Variants in FHIT observed in about 807,000 individuals in gnomAD.
FHIT encodes bis(5'-adenosyl)-triphosphatase.
A neutral mutation model predicts 17.9 loss-of-function variants in FHIT; 19 were observed. The ratio of observed to expected loss-of-function variants is 1.06; its 90% CI spans 0.74 to 1.56. The LOEUF is 1.56. Among genes scored for constraint, FHIT ranks in the 40% most tolerant of loss-of-function variants. The pLI is 0.00. For synonymous variants in FHIT, 81 were observed against 69.7 expected, an observed-to-expected ratio of 1.16 and a Z score of -0.81; for missense variants, 248 against 189.2, an observed-to-expected ratio of 1.31 and a Z score of -1.82.
intron 2 of FHIT, among the ~76,000 whole-genome samples, chr3:61,090,125 C>T (rs964019483): frequency 7.9e-5 from 12 of 152,118 alleles, no homozygotes; most frequent in African/African-American, 2.9e-4. Flanking sequence ...CTTTTAGTAT[C>T]AAAATAGCCC....
chr3:61,104,021 A>AT, intron 2 of FHIT, among the ~76,000 whole-genome samples: 1 of 151,020 alleles, frequency 6.6e-6, no homozygotes, highest in Non-Finnish European at 1.5e-5. Context: ...TCTTTATCCA[A>AT]TTTTCCCGTC....
chr3:60,768,182 G>A (rs35631111), intron 4 of FHIT, among the ~76,000 whole-genome samples: 2 of 152,154 alleles, frequency 1.3e-5, no homozygotes, highest in African/African-American at 4.8e-5. Flanking sequence ...ATTACCTCTT[G>A]TGGTCAACAC....
At chr3:60,222,806 C>T (rs1305855812) in intron 5 of FHIT, among the ~76,000 whole-genome samples, 1 of 152,102 alleles carries the variant, frequency 6.6e-6, no homozygotes, top group Non-Finnish European at 1.5e-5. Context: ...GAGGCTGAGG[C>T]AGGAGAACTG....
At chr3:60,257,107 T>G (rs1458701378) in intron 5 of FHIT, among the ~76,000 whole-genome samples, 1 of 152,224 alleles carries the variant, frequency 6.6e-6, no homozygotes, top group Non-Finnish European at 1.5e-5. Context: ...TCCTGTTTTA[T>G]AAACATGCCT....
intron 8 of FHIT, among the ~76,000 whole-genome samples, chr3:59,869,327 C>T (rs895624459): frequency 1.3e-5 from 2 of 152,014 alleles, no homozygotes; most frequent in African/African-American, 2.4e-5. Flanking sequence ...TCTATCCTGC[C>T]CAAATTCTGT....
chr3:60,692,075 A>G (rs2041004612), intron 4 of FHIT, among the ~76,000 whole-genome samples: 1 of 152,188 alleles, frequency 6.6e-6, no homozygotes, highest in Non-Finnish European at 1.5e-5. Context: ...TACAAAACTT[A>G]TATCCTAATT....
chr3:60,914,735 C>A (rs1706917849), intron 3 of FHIT, among the ~76,000 whole-genome samples: 1 of 152,136 alleles, frequency 6.6e-6, no homozygotes, highest in Non-Finnish European at 1.5e-5. Context: ...TCCCCACCAG[C>A]AATATAACCT....
intron 3 of FHIT, among the ~76,000 whole-genome samples, chr3:60,984,405 C>A (rs573446399): frequency 1.6e-4 from 25 of 152,328 alleles, no homozygotes; most frequent in African/African-American, 5.8e-4. Flanking sequence ...CCCCACCTAC[C>A]AATACACCCA....
At chr3:59,803,008 G>C (rs373992674) in intron 8 of FHIT, among the ~76,000 whole-genome samples, 2 of 152,152 alleles carry the variant, frequency 1.3e-5, no homozygotes, top group South Asian at 4.1e-4. Context: ...ACACGTGTCA[G>C]GTGCCATGCC....
In FHIT at chr3:60,444,769, C is replaced by T. The variant is rs192692523; in HGVS notation, c.103+92091G>A. On this transcript the variant is annotated intron_variant, in intron 5 of 9. Transcript: ENST00000492590. ...GAATGACGAGTTAATGGGTGCAGCA[C>T]ACCAACATGGCACATGTATACATAT... 2.0e-5 allele frequency among the ~76,000 whole-genome samples: 3 copies of T among 151,762 alleles called. No individual in the cohort carries two copies. The East Asian group carries it at 5.8e-4, about 29-fold the overall frequency.
chr3:60,865,102 CA>C (rs1704098418), intron 3 of FHIT, among the ~76,000 whole-genome samples: 1 of 152,042 alleles, frequency 6.6e-6, no homozygotes, highest in Admixed American at 6.6e-5. Context: ...ACCAACTGCT[CA>C]AATCAGAATC....
intron 4 of FHIT, among the ~76,000 whole-genome samples, chr3:60,639,562 A>T (rs2039674875): frequency 6.6e-6 from 1 of 152,168 alleles, no homozygotes; most frequent in South Asian, 2.1e-4. Flanking sequence ...ACAAACTAGA[A>T]ATAGACCACA....
intron 4 of FHIT, among the ~76,000 whole-genome samples, chr3:60,728,851 T>A (rs956916352): frequency 6.6e-6 from 1 of 152,122 alleles, no homozygotes; most frequent in Admixed American, 6.5e-5. Flanking sequence ...TTAAATTACT[T>A]ATATAAAACT....
At chr3:59,987,274 T>C (rs1243105848) in intron 7 of FHIT, among the ~76,000 whole-genome samples, 1 of 151,688 alleles carries the variant, frequency 6.6e-6, no homozygotes, top group East Asian at 1.9e-4. Context: ...TAGCTATTTC[T>C]TGTGATGAGC....
At chr3:59,918,121 G>A (rs907959192) in intron 8 of FHIT, among the ~76,000 whole-genome samples, 3 of 152,230 alleles carry the variant, frequency 2.0e-5, no homozygotes, top group Non-Finnish European at 4.4e-5. Context: ...GTGGCTATGA[G>A]TTAGTGAATT....
At chr3:60,194,812 T>G (rs937905874) in intron 5 of FHIT, among the ~76,000 whole-genome samples, 4 of 152,022 alleles carry the variant, frequency 2.6e-5, no homozygotes, top group African/African-American at 9.7e-5. Context: ...GATATACAAG[T>G]GGCCACCAAA....
At chr3:60,257,967 G>C (rs1412522310) in intron 5 of FHIT, among the ~76,000 whole-genome samples, 1 of 151,904 alleles carries the variant, frequency 6.6e-6, no homozygotes, top group Non-Finnish European at 1.5e-5. Flanking sequence ...TGGGTGATGG[G>C]TTGATCTGTG....
At chr3:61,249,437 T>C (rs148450845) in intron 1 of FHIT, among the ~76,000 whole-genome samples, 18 of 152,330 alleles carry the variant, frequency 1.2e-4, no homozygotes, top group African/African-American at 3.4e-4. Context: ...ATGTTTAGTA[T>C]CTAAGTACAG....
chr3:60,013,965 G>A (rs768267037), intron 6 of FHIT, 42 bp downstream of exon 6: 25 of 1,601,514 alleles, frequency 1.6e-5, no homozygotes, highest in Non-Finnish European at 2.0e-5. Flanking sequence ...GCCGGGATAT[G>A]AAAGGGAAGA....
Sources: gnomAD v4.1 joint callset for allele counts (sites outside exome capture counted in the v4.1 genomes callset) on GRCh38, gnomAD v4.1.1 for gene constraint, MANE v1.5 for transcripts, NCBI Gene and HGNC (gene_info 2026-07-23, HGNC 2026-07-21) for gene names.